PACRG: variants seen among roughly 807,000 people sequenced by gnomAD.
PACRG encodes parkin coregulated.
A neutral mutation model predicts 29.7 loss-of-function variants in PACRG; 29 were observed. The ratio of observed to expected loss-of-function variants is 0.98; its 90% confidence interval spans 0.73 to 1.33. The LOEUF (loss-of-function observed/expected upper bound fraction) is 1.33. PACRG is among the 40% of genes most tolerant of loss of function. The probability of loss-of-function intolerance (pLI) is 0.00; values close to 1 mark genes in which losing one functional copy is unlikely to be tolerated. For synonymous variants in PACRG, 116 were observed against 118.7 expected (o/e 0.98, Z 0.15); for missense variants, 279 against 316.2 (o/e 0.88, Z 0.89).
intron 4 of PACRG, among the ~76,000 whole-genome samples, chr6:163,152,360 G>C (rs1168162100): frequency 6.6e-6 from 1 of 152,126 alleles, no homozygotes; most frequent in Non-Finnish European, 1.5e-5. Flanking sequence ...TACATCTGGG[G>C]TCTTTGAAGT....
chr6:163,164,165 G>A (rs1226439536), intron 4 of PACRG, among the ~76,000 whole-genome samples: 1 of 152,148 alleles, frequency 6.6e-6, no homozygotes, highest in Non-Finnish European at 1.5e-5. Context: ...ATCAGGAAGG[G>A]TAATTGGGAG....
At position 162,967,931 on chromosome 6, in the gene PACRG, A is replaced by G. The variant is rs866852590; in HGVS notation, c.292-94219A>G. 4.6e-5 allele frequency among the ~76,000 whole-genome samples: 7 copies of G among 152,210 alleles called. No individual in the cohort carries two copies. In the East Asian group the frequency reaches 1.3e-3, roughly 29 times the overall value. On this transcript the variant is annotated intron_variant, in intron 2 of 4. Coordinates refer to ENST00000366888, the MANE Select transcript of PACRG (RefSeq NM_001080379.2). ...TATAAATGCAAATTTTGAAAGCTAA[A>G]TCATTGTTTATATTTTAAAATATTC...
chr6:163,273,243 T>G (rs944661315), intron 4 of PACRG, among the ~76,000 whole-genome samples: 1 of 152,230 alleles, frequency 6.6e-6, no homozygotes. Context: ...ATATTCTGTT[T>G]AAGGATTTCA....
intron 4 of PACRG, among the ~76,000 whole-genome samples, chr6:163,156,789 T>C (rs901274928): frequency 2.6e-5 from 4 of 152,160 alleles, no homozygotes; most frequent in African/African-American, 9.7e-5. Flanking sequence ...ACTCCTTGGC[T>C]CGTGGGCCTC....
chr6:163,129,423 G>A (rs773643450), intron 4 of PACRG, among the ~76,000 whole-genome samples: 3 of 152,202 alleles, frequency 2.0e-5, no homozygotes, highest in Non-Finnish European at 2.9e-5. Flanking sequence ...GGTGAGAGAC[G>A]AAGGAATGAG....
chr6:163,112,930 T>C (rs1815790320), intron 4 of PACRG, among the ~76,000 whole-genome samples: 1 of 152,164 alleles, frequency 6.6e-6, no homozygotes, highest in Admixed American at 6.5e-5. Context: ...ATAGTAGACA[T>C]TGCTAGACAA....
chr6:162,951,832 C>G (rs1459308239), intron 2 of PACRG, among the ~76,000 whole-genome samples: 5 of 152,108 alleles, frequency 3.3e-5, no homozygotes, highest in African/African-American at 1.2e-4. Flanking sequence ...TTTTTGCTCT[C>G]GTTGTAGTCT....
chr6:163,274,721 G>A (rs9458769), intron 4 of PACRG, among the ~76,000 whole-genome samples: 114,464 of 152,080 alleles, frequency 0.75, 43,827 homozygotes, highest in African/African-American at 0.9. Context: ...AATGATCACC[G>A]TTCTGTTGTT....
chr6:163,038,079 T>G (rs1332307509), intron 2 of PACRG, among the ~76,000 whole-genome samples: 1 of 152,224 alleles, frequency 6.6e-6, no homozygotes, highest in Non-Finnish European at 1.5e-5. Flanking sequence ...GCAGCTGATG[T>G]ATGTACTGTT....
At chr6:162,741,438 G>GT (rs1554270152) in intron 1 of PACRG, among the ~76,000 whole-genome samples, 1 of 152,144 alleles carries the variant, frequency 6.6e-6, no homozygotes, top group Non-Finnish European at 1.5e-5. Context: ...GCTCTCTTCC[G>GT]TGCTTGCAGA....
At chr6:163,024,135 G>T (rs1806894118) in intron 2 of PACRG, among the ~76,000 whole-genome samples, 1 of 152,114 alleles carries the variant, frequency 6.6e-6, no homozygotes, top group Non-Finnish European at 1.5e-5. Context: ...AGCCAAAAAT[G>T]CTTTGCCACA....
intron 4 of PACRG, among the ~76,000 whole-genome samples, chr6:163,215,869 C>T (rs557127893): frequency 2.0e-5 from 3 of 152,150 alleles, no homozygotes; most frequent in Non-Finnish European, 4.4e-5. Context: ...CTGAAGCATA[C>T]CCATTGGATT....
intron 4 of PACRG, among the ~76,000 whole-genome samples, chr6:163,097,770 G>C (rs185945890): frequency 6.6e-6 from 1 of 152,178 alleles, no homozygotes; most frequent in Non-Finnish European, 1.5e-5. Flanking sequence ...AGAGTGTCAG[G>C]GTCAAGATAA....
chr6:162,850,679 C>T (rs1388889691), intron 2 of PACRG, among the ~76,000 whole-genome samples: 1 of 152,338 alleles, frequency 6.6e-6, no homozygotes, highest in East Asian at 1.9e-4. Flanking sequence ...GGAAGCTCCA[C>T]ACCCTTTCCC....
At chr6:162,884,000 C>T (rs932611803) in intron 2 of PACRG, among the ~76,000 whole-genome samples, 1 of 152,074 alleles carries the variant, frequency 6.6e-6, no homozygotes, top group African/African-American at 2.4e-5. Flanking sequence ...GTGTAATGTG[C>T]AATCGTAGCT....
intron 2 of PACRG, among the ~76,000 whole-genome samples, chr6:162,947,359 A>ACATAT (rs376521730): frequency 2.5e-4 from 9 of 36,696 alleles, no homozygotes; most frequent in African/African-American, 9.2e-4. Context: ...ACATATATAT[A>ACATAT]ATGTAATCAT....
intron 4 of PACRG, chr6:163,100,986 T>C: frequency 2.0e-6 from 2 of 984,230 alleles, no homozygotes; most frequent in Non-Finnish European, 2.4e-6. Context: ...TTCAGAGCCC[T>C]CGAAGATCAA....
chr6:163,255,588 A>G (rs1419610253), intron 4 of PACRG, among the ~76,000 whole-genome samples: 1 of 151,914 alleles, frequency 6.6e-6, no homozygotes, highest in Admixed American at 6.6e-5. Context: ...CCACCCAATC[A>G]CCTGGGAACA....
chr6:162,915,172 A>T lies in PACRG; in HGVS notation c.291+100891A>T, dbSNP rs187920789. 3.6e-3 allele frequency among the ~76,000 whole-genome samples: 551 copies of T among 152,172 alleles called. 2 individuals carry two copies. The highest frequency in any genetic ancestry group is 6.8e-3 in the Middle Eastern group (2 of 294). On this transcript the variant is annotated intron_variant, in intron 2 of 4. Transcript: ENST00000366888. ...AGTTTTTCATAAATAACCATTATCT[A>T]CTTGAGGAATTTCTTACTATTCCTA...
Sources: allele counts gnomAD v4.1 joint callset (sites outside exome capture counted in the v4.1 genomes callset), GRCh38; gene constraint gnomAD v4.1.1; transcripts MANE v1.5; gene names NCBI Gene and HGNC (gene_info 2026-07-23, HGNC 2026-07-21).